The following SOCS7 variants were observed in gnomAD, a reference collection of about 807,000 sequenced individuals.
SOCS7 encodes suppressor of cytokine signaling 7, also known as NAP-4.
Under a neutral mutation model 58.9 loss-of-function variants are expected in SOCS7, and 18 were observed. The observed-to-expected ratio is 0.31, with a 90% confidence interval of 0.21 to 0.45. The LOEUF (loss-of-function observed/expected upper bound fraction) is 0.45, where lower values mean the gene tolerates loss of function less well. SOCS7 is among the 20% of genes least tolerant of loss of function. The pLI, the probability that SOCS7 is intolerant of heterozygous loss-of-function variation, is 1.00. For synonymous variants in SOCS7, 388 were observed against 364.3 expected, an observed-to-expected ratio of 1.06 and a Z score of -0.74; for missense variants, 667 against 837.3, an observed-to-expected ratio of 0.80 and a Z score of 2.51.
Position 38,352,308 on chromosome 17 carries a change from G to C in SOCS7, c.256G>C (p.Gly86Arg). Residue 86 changes from glycine to arginine, a missense_variant, in exon 1 of 10, where the codon GGA becomes CGA. By Grantham distance (125) the Gly-to-Arg change is moderately radical. This residue lies in a region of SOCS7 where 154 missense variants were observed against 156.3 expected (regional missense o/e 0.98). Transcript: ENST00000612932. The surrounding 1 kb of genome is among the most constrained non-coding windows in gnomAD (Gnocchi z 5.5). ...GGACGTGGAGGCGGCCCCGGAGCCG[G>C]GACCCTCGGAACTGCTGTGTCCCCG... ...EEDVEAAPEP[G>R]PSELLCPRHR... 6.7e-7 allele frequency: 1 copy of C among 1,485,632 alleles called. No homozygotes were observed. The highest frequency in any genetic ancestry group is 1.3e-5 in the South Asian group (1 of 77,992). The allele number at this position is 1,485,632 out of a possible 1,614,324, so 92.0% of individuals were successfully genotyped here. A position where few individuals can be genotyped will look rare whatever the true frequency, so the allele number is the denominator to read the frequency against.
chr17:38,375,690 G>A (rs1316847345), intron 6 of SOCS7: 11 of 152,022 alleles, frequency 7.2e-5, no homozygotes, highest in Non-Finnish European at 2.9e-5. Flanking sequence ...TGGGCCATTG[G>A]GATAGGGTTC....
At chr17:38,380,181 A>G (rs1394426665) in intron 7 of SOCS7, among the ~76,000 whole-genome samples, 1 of 152,194 alleles carries the variant, frequency 6.6e-6, no homozygotes, top group Non-Finnish European at 1.5e-5. Flanking sequence ...TATTTTAACC[A>G]AGATTCTTAG....
rs571892503 is a variant in SOCS7 at position 38,400,806 on chromosome 17, A to G, written c.*1324A>G. ...AGGAGGAGCGGGGAGAAAAACTCCA[A>G]TGGTCTTTAATGGTTTCTGCAGCTG... On this transcript the variant is annotated 3_prime_UTR_variant, in exon 10 of 10. Coordinates refer to ENST00000612932, the MANE Select transcript of SOCS7 (RefSeq NM_014598.4). 2 of 152,268 alleles carry G rather than the reference A, an allele frequency of 1.3e-5. No individual in the cohort carries two copies. Among genetic ancestry groups the G allele is most frequent in the Non-Finnish European group, 2.9e-5 (2 of 68,028 alleles). 9.4% of individuals were successfully genotyped at this position (152,268 alleles called of 1,614,324 possible). A position where few individuals can be genotyped will look rare whatever the true frequency, so the allele number is the denominator to read the frequency against.
At chr17:38,378,216 T>C (rs1034005089) in intron 7 of SOCS7, among the ~76,000 whole-genome samples, 2 of 152,142 alleles carry the variant, frequency 1.3e-5, no homozygotes, top group African/African-American at 2.4e-5. Context: ...GGAGAATGTT[T>C]ACCAGAAAGG....
At chr17:38,393,848 C>T (rs549842360) in intron 7 of SOCS7, among the ~76,000 whole-genome samples, 14 of 151,870 alleles carry the variant, frequency 9.2e-5, no homozygotes, top group African/African-American at 2.4e-4. Flanking sequence ...TGTAGTGAGC[C>T]GAGATCGCGC....
intron 7 of SOCS7, among the ~76,000 whole-genome samples, chr17:38,389,897 A>ATATATGTG (rs1400191697): frequency 2.3e-4 from 18 of 77,360 alleles, no homozygotes; most frequent in Non-Finnish European, 3.6e-4. Context: ...ATATATATAT[A>ATATATGTG]TACACATATA....
At chr17:38,390,268 A>G (rs1434201331) in intron 7 of SOCS7, among the ~76,000 whole-genome samples, 1 of 152,076 alleles carries the variant, frequency 6.6e-6, no homozygotes, top group Non-Finnish European at 1.5e-5. Context: ...GTTCTATTCC[A>G]TTGAGTTGTA....
chr17:38,385,108 G>A (rs1232590640), intron 7 of SOCS7, among the ~76,000 whole-genome samples: 2 of 151,344 alleles, frequency 1.3e-5, no homozygotes, highest in Non-Finnish European at 2.9e-5. Context: ...ATGTTGGTCA[G>A]GTTGGTCTTG....
At chr17:38,354,257 C>T (rs1218155842) in intron 1 of SOCS7, among the ~76,000 whole-genome samples, 1 of 152,184 alleles carries the variant, frequency 6.6e-6, no homozygotes, top group Non-Finnish European at 1.5e-5. Flanking sequence ...TTGAGACATA[C>T]TGGCAGCCAT....
chr17:38,354,261 C>T (rs1353719470), intron 1 of SOCS7, among the ~76,000 whole-genome samples: 1 of 152,186 alleles, frequency 6.6e-6, no homozygotes, highest in Non-Finnish European at 1.5e-5. Flanking sequence ...GACATACTGG[C>T]AGCCATAAAC....
At chr17:38,363,864 C>CCTGAGTT (rs1051416471) in intron 2 of SOCS7, among the ~76,000 whole-genome samples, 2 of 152,154 alleles carry the variant, frequency 1.3e-5, no homozygotes, top group African/African-American at 4.8e-5. Context: ...TTAGAGAAAT[C>CCTGAGTT]CTGAGTTCTG....
chr17:38,398,630 C>T (rs967530932), intron 9 of SOCS7, among the ~76,000 whole-genome samples: 1 of 152,132 alleles, frequency 6.6e-6, no homozygotes, highest in African/African-American at 2.4e-5. Flanking sequence ...TCTGAATGGC[C>T]TGCTTGGTCT....
intron 6 of SOCS7, 63 bp downstream of exon 6, chr17:38,368,113 C>A: frequency 7.0e-7 from 1 of 1,434,848 alleles, no homozygotes; most frequent in Non-Finnish European, 9.5e-7. Flanking sequence ...TGCTGTCTGA[C>A]TTTTTTGTGG....
chr17:38,353,137 G>A, intron 1 of SOCS7, 105 bp downstream of exon 1: 9 of 1,114,262 alleles, frequency 8.1e-6, no homozygotes, highest in Non-Finnish European at 1.1e-5. Context: ...AGGGTCTTCA[G>A]GAGGAGGCAG....
At chr17:38,380,600 T>C (rs1171121863) in intron 7 of SOCS7, among the ~76,000 whole-genome samples, 1 of 150,048 alleles carries the variant, frequency 6.7e-6, no homozygotes, top group Non-Finnish European at 1.5e-5. Context: ...CACTACACTC[T>C]AGCCTGGGCC....
chr17:38,386,751 G>A (rs1021304779), intron 7 of SOCS7, among the ~76,000 whole-genome samples: 11 of 151,788 alleles, frequency 7.2e-5, no homozygotes, highest in Admixed American at 6.6e-4. Context: ...TCAAGATAAC[G>A]AATTGGTTCC....
At chr17:38,377,917 C>T in intron 7 of SOCS7, 75 bp downstream of exon 7, 1 of 1,432,550 alleles carries the variant, frequency 7.0e-7, no homozygotes, top group Non-Finnish European at 9.6e-7. Flanking sequence ...ACACCATCCC[C>T]ACAAAAGGCC....
chr17:38,356,898 A>T (rs2037647745), intron 1 of SOCS7, among the ~76,000 whole-genome samples: 1 of 152,098 alleles, frequency 6.6e-6, no homozygotes, highest in Non-Finnish European at 1.5e-5. Context: ...CTTCCTTTGG[A>T]TTTGGTGAGA....
intron 7 of SOCS7, among the ~76,000 whole-genome samples, chr17:38,387,133 G>GTGTATGTATATA (rs1269515665): frequency 1.4e-5 from 1 of 73,494 alleles, no homozygotes; most frequent in Non-Finnish European, 2.4e-5. Context: ...ATATATGTAT[G>GTGTATGTATATA]TATATATATA....
Sources: allele counts gnomAD v4.1 joint callset (sites outside exome capture counted in the v4.1 genomes callset), GRCh38; gene constraint gnomAD v4.1.1; regional missense constraint gnomAD v4.1.1; non-coding constraint Gnocchi (gnomAD v3.1); transcripts MANE v1.5; gene names NCBI Gene and HGNC (gene_info 2026-07-23, HGNC 2026-07-21).